The following TNNI3K variants were observed in gnomAD, a reference collection of about 807,000 sequenced individuals.
TNNI3K encodes TNNI3 interacting kinase.
In TNNI3K, 140 loss-of-function variants were observed where a neutral mutation model predicts 114.5. The ratio of observed to expected loss-of-function variants is 1.22; its 90% CI spans 1.07 to 1.41. TNNI3K has a LOEUF of 1.41. Among genes scored for constraint, TNNI3K ranks in the 40% most tolerant of loss-of-function variants. TNNI3K has a pLI of 0.00. For missense variants in TNNI3K, 1,125 were observed against 1,007.6 expected (o/e 1.12, Z -1.58); for synonymous variants, 347 against 347.5 (o/e 1.00, Z 0.02).
chr1:74,352,614 A>C (rs1424956519), intron 9 of TNNI3K, among the ~76,000 whole-genome samples: 2 of 152,148 alleles, frequency 1.3e-5, no homozygotes, highest in African/African-American at 4.8e-5. Context: ...GGTCGGCTCC[A>C]CCCAGTTCGA....
At chr1:74,463,891 G>T (rs1031361355) in intron 21 of TNNI3K, among the ~76,000 whole-genome samples, 26 of 152,222 alleles carry the variant, frequency 1.7e-4, no homozygotes, top group African/African-American at 5.1e-4. Context: ...GCACAAGATG[G>T]ATTTGTGTTG....
At chr1:74,295,719 A>G (rs1383309859) in intron 5 of TNNI3K, among the ~76,000 whole-genome samples, 2 of 152,066 alleles carry the variant, frequency 1.3e-5, no homozygotes, top group Non-Finnish European at 2.9e-5. Flanking sequence ...TGATCCTTTT[A>G]TGTTCAAACT....
chr1:74,306,667 T>C (rs1327003576), intron 5 of TNNI3K, among the ~76,000 whole-genome samples: 1 of 152,226 alleles, frequency 6.6e-6, no homozygotes, highest in African/African-American at 2.4e-5. Flanking sequence ...TGGCCACTTG[T>C]ATGTCTTCTT....
intron 5 of TNNI3K, among the ~76,000 whole-genome samples, chr1:74,301,372 C>T (rs1425417737): frequency 6.6e-6 from 1 of 151,970 alleles, no homozygotes; most frequent in African/African-American, 2.4e-5. Context: ...TGCACCCTAG[C>T]CTAGGCAACA....
intron 23 of TNNI3K, among the ~76,000 whole-genome samples, chr1:74,505,013 G>A (rs911811962): frequency 5.9e-5 from 9 of 152,278 alleles, no homozygotes; most frequent in African/African-American, 2.2e-4. Flanking sequence ...GACATATTGG[G>A]ACAACGAATG....
intron 24 of TNNI3K, 121 bp from the exon 25 acceptor site, chr1:74,543,785 C>A (rs1329657752): frequency 1.8e-6 from 2 of 1,092,448 alleles, no homozygotes; most frequent in Admixed American, 4.3e-5. Flanking sequence ...CACCAGCAAC[C>A]GTTGTCCAGA....
intron 4 of TNNI3K, among the ~76,000 whole-genome samples, chr1:74,269,941 A>G (rs534148662): frequency 6.6e-6 from 1 of 152,030 alleles, no homozygotes; most frequent in East Asian, 1.9e-4. Flanking sequence ...CAAGGAATGT[A>G]TAGTTTTAGG....
rs1220049160 is a variant in TNNI3K, at chr1:74,370,385, T to A, written c.1765T>A (p.Leu589Met). 6.2e-7 allele frequency: 1 copy of A among 1,604,776 alleles called. No homozygotes were observed. Among genetic ancestry groups the A allele is most frequent in the Non-Finnish European group, 8.5e-7 (1 of 1,174,668 alleles). ...GACACAGCCAATTATACATCGTGACTTGAACAGGTATTTTTTTCCTAAATA... is the reference window on the plus strand; with the variant it reads ...GACACAGCCAATTATACATCGTGACATGAACAGGTATTTTTTTCCTAAATA... ...NLTQPIIHRDLNSHNILLYED... is the reference protein window; with the variant it reads ...NLTQPIIHRDMNSHNILLYED... The change falls in exon 17 of 25, where the codon TTG (leucine) becomes ATG (methionine). Residue 589 changes from leucine (L) to methionine (M), a missense_variant. Physicochemically the swap from Leu to Met is conservative, Grantham distance 15. Transcript: ENST00000326637.
At chr1:74,260,650 G>A (rs1371716396) in intron 4 of TNNI3K, among the ~76,000 whole-genome samples, 1 of 151,928 alleles carries the variant, frequency 6.6e-6, no homozygotes, top group Non-Finnish European at 1.5e-5. Flanking sequence ...CTCTAACTTT[G>A]ACAAACATTT....
chr1:74,405,375 T>A (rs947917090), intron 17 of TNNI3K, among the ~76,000 whole-genome samples: 9 of 152,234 alleles, frequency 5.9e-5, no homozygotes, highest in Admixed American at 4.6e-4. Flanking sequence ...TTTGGAACTA[T>A]GAGGAGTCAT....
At chr1:74,439,988 A>G (rs909928617) in intron 20 of TNNI3K, among the ~76,000 whole-genome samples, 1 of 152,082 alleles carries the variant, frequency 6.6e-6, no homozygotes, top group African/African-American at 2.4e-5. Context: ...TAACATGTAT[A>G]TAGGGATAAG....
intron 23 of TNNI3K, among the ~76,000 whole-genome samples, chr1:74,500,461 G>A (rs999614847): frequency 4.0e-5 from 6 of 150,790 alleles, no homozygotes; most frequent in African/African-American, 1.2e-4. Flanking sequence ...AAAATTAGCC[G>A]GGCGTAGTGG....
At chr1:74,524,847 G>A (rs947465156) in intron 23 of TNNI3K, among the ~76,000 whole-genome samples, 2 of 152,170 alleles carry the variant, frequency 1.3e-5, no homozygotes, top group African/African-American at 4.8e-5. Context: ...TACTATGATT[G>A]AGATGCATGC....
At chr1:74,460,632 A>T (rs1255503300) in intron 20 of TNNI3K, among the ~76,000 whole-genome samples, 1 of 152,230 alleles carries the variant, frequency 6.6e-6, no homozygotes, top group Non-Finnish European at 1.5e-5. Flanking sequence ...AATCTGTAAT[A>T]CCAGAAAATT....
At chr1:74,534,624 T>G (rs1646637364) in intron 23 of TNNI3K, among the ~76,000 whole-genome samples, 2 of 152,186 alleles carry the variant, frequency 1.3e-5, no homozygotes, top group South Asian at 4.1e-4. Flanking sequence ...TTTTCGTATT[T>G]CTTCTTGGGA....
At chr1:74,260,845 C>T (rs1294514995) in intron 4 of TNNI3K, among the ~76,000 whole-genome samples, 1 of 151,968 alleles carries the variant, frequency 6.6e-6, no homozygotes, top group Non-Finnish European at 1.5e-5. Context: ...AATTAGCACT[C>T]CCAAACACAT....
chr1:74,335,951 C>T, intron 6 of TNNI3K, 60 bp from the exon 7 acceptor site: 2 of 1,501,928 alleles, frequency 1.3e-6, no homozygotes, highest in South Asian at 2.9e-5. Flanking sequence ...TGTATACTGC[C>T]AAAAGTTTTG....
At chr1:74,465,630 CTGAGGA>C (rs1667644065) in intron 21 of TNNI3K, among the ~76,000 whole-genome samples, 1 of 152,190 alleles carries the variant, frequency 6.6e-6, no homozygotes, top group African/African-American at 2.4e-5. Context: ...CGCCCAAAGG[CTGAGGA>C]GTGCAGGCGC....
chr1:74,344,376 A>G (rs1557509468), intron 9 of TNNI3K, among the ~76,000 whole-genome samples: 1 of 152,206 alleles, frequency 6.6e-6, no homozygotes, highest in Non-Finnish European at 1.5e-5. Context: ...TAACTTGCCA[A>G]AGTTTCTTAT....
Sources: gnomAD v4.1 joint callset for allele counts (sites outside exome capture counted in the v4.1 genomes callset) on GRCh38, gnomAD v4.1.1 for gene constraint, MANE v1.5 for transcripts, NCBI Gene and HGNC (gene_info 2026-07-23, HGNC 2026-07-21) for gene names.